Variants in EXT1 observed in about 807,000 individuals in gnomAD.
EXT1 encodes the protein exostosin glycosyltransferase 1, also known as exostosin-1.
A neutral mutation model predicts 82.5 loss-of-function variants in EXT1; 20 were observed. The ratio of observed to expected loss-of-function variants is 0.24; its 90% CI spans 0.17 to 0.35. EXT1 has a LOEUF of 0.35. Ranked by LOEUF, EXT1 falls within the 10% of genes least tolerant of loss-of-function variation. EXT1 has a pLI of 1.00. For missense variants in EXT1, 757 were observed against 936.5 expected (o/e 0.81, Z 2.50); for synonymous variants, 348 against 350.8 (o/e 0.99, Z 0.09).
intron 8 of EXT1, among the ~76,000 whole-genome samples, chr8:117,808,611 T>C (rs1823270352): frequency 6.6e-6 from 1 of 152,234 alleles, no homozygotes; most frequent in Non-Finnish European, 1.5e-5. Flanking sequence ...GGAAATTTCA[T>C]CTGTTTCGCA....
intron 1 of EXT1, among the ~76,000 whole-genome samples, chr8:118,101,218 T>G (rs1239548690): frequency 1.3e-5 from 2 of 152,172 alleles, no homozygotes; most frequent in African/African-American, 4.8e-5. Context: ...ATGTGGAAAC[T>G]GAGGCTGAGA....
Position 118,044,361 on chromosome 8 carries a change from C to A in EXT1, c.962+65724G>T, listed in dbSNP as rs1277378457. On this transcript the variant is annotated intron_variant, in intron 1 of 10. Coordinates refer to ENST00000378204, the MANE Select transcript of EXT1 (RefSeq NM_000127.3). ...TATAGTGAACCAAGGGTCAGAAAACCTAGACCTGTGGGCCAAATCCAGCCT... is the reference window on the plus strand; with the variant it reads ...TATAGTGAACCAAGGGTCAGAAAACATAGACCTGTGGGCCAAATCCAGCCT... Among the ~76,000 whole-genome samples, 7 of 152,054 alleles carry A rather than the reference C, an allele frequency of 4.6e-5. No homozygotes were observed. The East Asian group carries it at 1.2e-3, about 25-fold the overall frequency.
intron 1 of EXT1, among the ~76,000 whole-genome samples, chr8:118,006,892 T>A (rs1318648175): frequency 2.0e-5 from 3 of 152,214 alleles, no homozygotes; most frequent in Non-Finnish European, 4.4e-5. Flanking sequence ...CATGTAGAAA[T>A]GCAAGCGTAG....
chr8:117,876,571 A>C (rs1812973154), intron 1 of EXT1, among the ~76,000 whole-genome samples: 1 of 152,234 alleles, frequency 6.6e-6, no homozygotes, highest in African/African-American at 2.4e-5. Context: ...TTGAAAAAAG[A>C]ATTTTCTACC....
intron 1 of EXT1, among the ~76,000 whole-genome samples, chr8:118,100,330 C>T (rs980986662): frequency 6.6e-6 from 1 of 152,172 alleles, no homozygotes; most frequent in African/African-American, 2.4e-5. Flanking sequence ...TAAGGTAGCC[C>T]AAATGATTTT....
chr8:117,998,878 T>G (rs1008105572), intron 1 of EXT1, among the ~76,000 whole-genome samples: 1 of 152,192 alleles, frequency 6.6e-6, no homozygotes, highest in Non-Finnish European at 1.5e-5. Context: ...CTGAGTAACC[T>G]TCCCCAAATT....
intron 4 of EXT1, among the ~76,000 whole-genome samples, chr8:117,827,514 G>A (rs1812025864): frequency 6.6e-6 from 1 of 152,010 alleles, no homozygotes; most frequent in Non-Finnish European, 1.5e-5. Flanking sequence ...AGAAAACACT[G>A]AAGAAAGAAA....
chr8:117,828,493 G>C (rs1274596903), intron 4 of EXT1, among the ~76,000 whole-genome samples: 1 of 151,308 alleles, frequency 6.6e-6, no homozygotes, highest in African/African-American at 2.4e-5. Context: ...TGGTGACAGA[G>C]TGAGATCCTG....
chr8:117,948,254 G>A (rs184778946), intron 1 of EXT1, among the ~76,000 whole-genome samples: 1 of 148,508 alleles, frequency 6.7e-6, no homozygotes. Flanking sequence ...CACCAAGTTT[G>A]GTTGGAAGTA....
At chr8:117,846,306 T>C (rs112069954) in intron 1 of EXT1, among the ~76,000 whole-genome samples, 34 of 151,798 alleles carry the variant, frequency 2.2e-4, no homozygotes, top group South Asian at 2.1e-3. Flanking sequence ...TGGGGTTTCA[T>C]CATGTTGGTC....
intron 1 of EXT1, among the ~76,000 whole-genome samples, chr8:117,889,794 T>C (rs1813210682): frequency 6.6e-6 from 1 of 152,202 alleles, no homozygotes; most frequent in Non-Finnish European, 1.5e-5. Context: ...GCCAAAGTTA[T>C]AAAATCATCG....
intron 1 of EXT1, among the ~76,000 whole-genome samples, chr8:117,951,465 C>T (rs1814490005): frequency 1.3e-5 from 2 of 152,286 alleles, no homozygotes; most frequent in African/African-American, 2.4e-5. Flanking sequence ...AAACTTGATT[C>T]ATGTATTCAT....
At chr8:118,063,009 A>G (rs1816907050) in intron 1 of EXT1, among the ~76,000 whole-genome samples, 1 of 152,244 alleles carries the variant, frequency 6.6e-6, no homozygotes, top group African/African-American at 2.4e-5. Context: ...AAGAAGAAGG[A>G]GAAAATGTCT....
chr8:118,050,353 C>T (rs1256348055), intron 1 of EXT1, among the ~76,000 whole-genome samples: 1 of 152,194 alleles, frequency 6.6e-6, no homozygotes, highest in Non-Finnish European at 1.5e-5. Flanking sequence ...TTCGTCCTCA[C>T]CCAAACCTTC....
chr8:117,963,356 T>C (rs1253001605), intron 1 of EXT1, among the ~76,000 whole-genome samples: 1 of 152,190 alleles, frequency 6.6e-6, no homozygotes, highest in Non-Finnish European at 1.5e-5. Flanking sequence ...CAGCCACCAC[T>C]GGACTCTCTC....
chr8:118,085,235 T>C (rs1933582791), intron 1 of EXT1, among the ~76,000 whole-genome samples: 1 of 152,132 alleles, frequency 6.6e-6, no homozygotes, highest in African/African-American at 2.4e-5. Flanking sequence ...TGCTACAGCC[T>C]TGGTGTCTGT....
intron 1 of EXT1, among the ~76,000 whole-genome samples, chr8:117,996,508 C>T (rs897666490): frequency 2.0e-5 from 3 of 152,170 alleles, no homozygotes; most frequent in Non-Finnish European, 4.4e-5. Flanking sequence ...ATTTTAGCCA[C>T]AGCCTTTGAG....
intron 1 of EXT1, among the ~76,000 whole-genome samples, chr8:117,923,913 C>G (rs73322086): frequency 6.6e-6 from 1 of 152,024 alleles, no homozygotes; most frequent in Admixed American, 6.5e-5. Flanking sequence ...TGTTATGGGT[C>G]TAGTAAGAGT....
chr8:118,012,352 T>C (rs916543410), intron 1 of EXT1, among the ~76,000 whole-genome samples: 4 of 152,222 alleles, frequency 2.6e-5, no homozygotes. Context: ...TGCGGCTTCC[T>C]AGTTTGGCAC....
Sources: gnomAD v4.1 joint callset for allele counts (sites outside exome capture counted in the v4.1 genomes callset) on GRCh38, gnomAD v4.1.1 for gene constraint, MANE v1.5 for transcripts, NCBI Gene and HGNC (gene_info 2026-07-23, HGNC 2026-07-21) for gene names.